SNX4: variants seen among roughly 807,000 people sequenced by gnomAD.
The protein encoded by SNX4 is sorting nexin-4.
A neutral mutation model predicts 70.8 loss-of-function variants in SNX4; 49 were observed. The ratio of observed to expected loss-of-function variants is 0.69; its 90% CI spans 0.55 to 0.88. The LOEUF (loss-of-function observed/expected upper bound fraction) is 0.88, where lower values mean the gene tolerates loss of function less well. SNX4 is among the 40% of genes least tolerant of loss of function. The pLI, the probability that SNX4 is intolerant of heterozygous loss-of-function variation, is 0.00. For missense variants in SNX4, 528 were observed against 544.8 expected (o/e 0.97, Z 0.31); for synonymous variants, 206 against 183.8 (o/e 1.12, Z -0.98).
At chr3:125,504,018 G>A (rs546673575) in intron 2 of SNX4, among the ~76,000 whole-genome samples, 11 of 152,072 alleles carry the variant, frequency 7.2e-5, no homozygotes, top group African/African-American at 2.7e-4. Flanking sequence ...GCAACAGAGT[G>A]AGACCCCATC....
chr3:125,474,226 C>T (rs1323371989), intron 8 of SNX4, among the ~76,000 whole-genome samples: 1 of 151,842 alleles, frequency 6.6e-6, no homozygotes, highest in Non-Finnish European at 1.5e-5. Flanking sequence ...TCACTGGCAA[C>T]TGCTGTAGTT....
chr3:125,475,554 G>A (rs1934272052), intron 8 of SNX4, among the ~76,000 whole-genome samples: 1 of 152,140 alleles, frequency 6.6e-6, no homozygotes, highest in African/African-American at 2.4e-5. Context: ...TAGTAGAGAT[G>A]AGGTTTCACC....
chr3:125,451,217 T>A, intron 13 of SNX4, 88 bp downstream of exon 13: 4 of 642,538 alleles, frequency 6.2e-6, no homozygotes, highest in East Asian at 5.8e-5. Flanking sequence ...AGAATAAAAA[T>A]GAAAAATTTT....
At chr3:125,494,370 A>C (rs923378544) in intron 5 of SNX4, among the ~76,000 whole-genome samples, 3 of 152,136 alleles carry the variant, frequency 2.0e-5, no homozygotes, top group Non-Finnish European at 2.9e-5. Context: ...TAATTATGTG[A>C]CCTTGGCTAA....
At chr3:125,448,431 G>C (rs1933484821) in intron 13 of SNX4, among the ~76,000 whole-genome samples, 2 of 151,608 alleles carry the variant, frequency 1.3e-5, no homozygotes, top group Admixed American at 1.3e-4. Context: ...CACAGTGCCC[G>C]GCTCGGTTTT....
intron 5 of SNX4, among the ~76,000 whole-genome samples, chr3:125,490,230 A>G (rs939054518): frequency 6.6e-6 from 1 of 152,026 alleles, no homozygotes. Flanking sequence ...TTTAGAAGAA[A>G]GAATATAGAA....
chr3:125,476,863 T>C lies in SNX4; in HGVS notation c.727-107A>G, dbSNP rs6785216. 0.15 allele frequency: 91,038 copies of C among 617,182 alleles called. 7,259 individuals carry two copies. Among genetic ancestry groups the C allele is most frequent in the African/African-American group, 0.23 (11,823 of 51,390 alleles). 38.2% of individuals were successfully genotyped at this position (617,182 alleles called of 1,614,324 possible). A position where few individuals can be genotyped will look rare whatever the true frequency, so the allele number is the denominator to read the frequency against. ...ATGCTTACTACAATAAACTTGGAAA[T>C]AGAAAAAAGAAAAATAGTAATCTCC... On this transcript the variant is annotated intron_variant, in intron 7 of 13. Transcript: ENST00000251775.
At chr3:125,515,276 C>T (rs1039091593) in intron 1 of SNX4, among the ~76,000 whole-genome samples, 1 of 151,758 alleles carries the variant, frequency 6.6e-6, no homozygotes, top group Non-Finnish European at 1.5e-5. Context: ...CGCTTGAACC[C>T]GGGAGATGAA....
At chr3:125,511,649 A>C (rs1264671869) in intron 1 of SNX4, among the ~76,000 whole-genome samples, 1 of 152,234 alleles carries the variant, frequency 6.6e-6, no homozygotes, top group Non-Finnish European at 1.5e-5. Flanking sequence ...AACAAGGAAG[A>C]GAAAGTGAGA....
chr3:125,495,277 T>TATACATACAC, intron 5 of SNX4, among the ~76,000 whole-genome samples: 5 of 99,610 alleles, frequency 5.0e-5, no homozygotes, highest in Admixed American at 3.7e-4. Flanking sequence ...TATATATATA[T>TATACATACAC]ACACATACAC....
chr3:125,514,711 C>T (rs1424907705), intron 1 of SNX4, among the ~76,000 whole-genome samples: 2 of 151,994 alleles, frequency 1.3e-5, no homozygotes, highest in Admixed American at 1.3e-4. Context: ...TTTTTTGACA[C>T]AAGGTCTTGC....
intron 6 of SNX4, among the ~76,000 whole-genome samples, chr3:125,487,782 C>T (rs1211180731): frequency 6.6e-6 from 1 of 150,376 alleles, no homozygotes; most frequent in Non-Finnish European, 1.5e-5. Flanking sequence ...AAAACTATAG[C>T]GATAATAAAA....
chr3:125,455,995 T>G (rs1933705865), intron 11 of SNX4, among the ~76,000 whole-genome samples: 1 of 152,084 alleles, frequency 6.6e-6, no homozygotes, highest in African/African-American at 2.4e-5. Flanking sequence ...AGAGCGAAAC[T>G]CGGTCTAAAA....
At chr3:125,503,079 A>C (rs1934967487) in intron 2 of SNX4, among the ~76,000 whole-genome samples, 1 of 151,698 alleles carries the variant, frequency 6.6e-6, no homozygotes, top group South Asian at 2.1e-4. Context: ...GCTAATTTTC[A>C]TATTTTTAGT....
Position 125,504,501 on chromosome 3 carries a change from C to T in SNX4, c.263+122G>A, listed in dbSNP as rs989507671. The T allele has an allele frequency of 7.3e-6, 7 of 965,426 alleles. No homozygotes were observed. In the East Asian group the frequency reaches 1.8e-4, roughly 24 times the overall value. 59.8% of individuals were successfully genotyped at this position (965,426 alleles called of 1,614,324 possible). On this transcript the variant is annotated intron_variant, in intron 2 of 13. Coordinates refer to ENST00000251775, the MANE Select transcript of SNX4 (RefSeq NM_003794.4). ...CCTGTCTCAAAAAAAAGTAAAGAAA[C>T]AAAGTCAATCCCGAAAAAAAAAATA...
Position 125,504,763 on chromosome 3 carries a change from A to G in SNX4, c.142-19T>C. 1 of 1,602,876 alleles carries G rather than the reference A, an allele frequency of 6.2e-7. No homozygotes were observed. The highest frequency in any genetic ancestry group is 1.8e-4 in the Middle Eastern group (1 of 5,648). ...GTGTCATCTGGACAAAAGTAAATAA[A>G]ACAACAACAACAACAAAAACCTTTA... On this transcript the variant is annotated intron_variant, in intron 1 of 13. Transcript: ENST00000251775.
At chr3:125,495,277 T>TATATATATATATACACACACAC in intron 5 of SNX4, among the ~76,000 whole-genome samples, 3 of 99,618 alleles carry the variant, frequency 3.0e-5, no homozygotes, top group Admixed American at 1.2e-4. Context: ...TATATATATA[T>TATATATATATATACACACACAC]ACACATACAC....
At chr3:125,512,102 G>A (rs1221175774) in intron 1 of SNX4, among the ~76,000 whole-genome samples, 1 of 152,124 alleles carries the variant, frequency 6.6e-6, no homozygotes, top group Admixed American at 6.5e-5. Flanking sequence ...GAAAATAAGA[G>A]AGACAGCAGG....
chr3:125,488,855 C>G (rs1934592120), intron 6 of SNX4, among the ~76,000 whole-genome samples: 1 of 152,192 alleles, frequency 6.6e-6, no homozygotes, highest in African/African-American at 2.4e-5. Flanking sequence ...AATTATCCAC[C>G]AAATTTAAAG....
Sources: allele counts gnomAD v4.1 joint callset (sites outside exome capture counted in the v4.1 genomes callset), GRCh38; gene constraint gnomAD v4.1.1; transcripts MANE v1.5; gene names NCBI Gene and HGNC (gene_info 2026-07-23, HGNC 2026-07-21).